ADAMTS16: variants seen among roughly 807,000 people sequenced by gnomAD.
ADAMTS16 encodes the protein A disintegrin and metalloproteinase with thrombospondin motifs 16.
A neutral mutation model predicts 145.8 loss-of-function variants in ADAMTS16; 94 were observed. The ratio of observed to expected loss-of-function variants is 0.64; its 90% CI spans 0.55 to 0.77. The LOEUF is 0.77. Ranked by LOEUF, ADAMTS16 falls within the 30% of genes least tolerant of loss-of-function variation. The probability of loss-of-function intolerance (pLI) is 0.00; values close to 1 mark genes in which losing one functional copy is unlikely to be tolerated. For missense variants in ADAMTS16, 1,585 were observed against 1,591.5 expected, an observed-to-expected ratio of 1.00 and a Z score of 0.07; for synonymous variants, 659 against 604.3, an observed-to-expected ratio of 1.09 and a Z score of -1.33.
intron 8 of ADAMTS16, among the ~76,000 whole-genome samples, chr5:5,197,069 G>C (rs965072141): frequency 2.0e-5 from 3 of 152,134 alleles, no homozygotes; most frequent in African/African-American, 7.2e-5. Context: ...TCAGGGCTCT[G>C]GGCAGCTCAG....
chr5:5,311,690 G>C (rs1414994222), intron 21 of ADAMTS16, among the ~76,000 whole-genome samples: 1 of 151,434 alleles, frequency 6.6e-6, no homozygotes, highest in Non-Finnish European at 1.5e-5. Context: ...GGGACTACAC[G>C]TGCACACCAC....
At chr5:5,286,857 CAAAAAAAA>C (rs1158555676) in intron 18 of ADAMTS16, among the ~76,000 whole-genome samples, 4 of 22,136 alleles carry the variant, frequency 1.8e-4, no homozygotes, top group Admixed American at 9.5e-4. Context: ...GACTCCGTCT[CAAAAAAAA>C]AAAAAAAAAA....
intron 3 of ADAMTS16, among the ~76,000 whole-genome samples, chr5:5,165,842 C>A (rs181075384): frequency 1.3e-5 from 2 of 152,272 alleles, no homozygotes; most frequent in East Asian, 3.9e-4. Context: ...CCCCTCATGA[C>A]CCATGGGCTC....
intron 3 of ADAMTS16, among the ~76,000 whole-genome samples, chr5:5,175,748 C>T (rs948508242): frequency 1.3e-5 from 2 of 152,154 alleles, no homozygotes; most frequent in African/African-American, 2.4e-5. Context: ...CTGTGGGTGT[C>T]GGCTGAGTTC....
chr5:5,294,533 G>A (rs545175146), intron 18 of ADAMTS16, among the ~76,000 whole-genome samples: 1 of 152,266 alleles, frequency 6.6e-6, no homozygotes, highest in South Asian at 2.1e-4. Flanking sequence ...CCCATTACAG[G>A]GGTCATCAAC....
intron 13 of ADAMTS16, 120 bp downstream of exon 13, chr5:5,235,306 G>A: frequency 9.2e-7 from 1 of 1,088,834 alleles, no homozygotes; most frequent in Non-Finnish European, 1.2e-6. Context: ...GGAGGTGAGG[G>A]TCGCATATTC....
In ADAMTS16 at chr5:5,186,301, G is replaced by GGGGGGTGT. The variant is rs368811446; in HGVS notation, c.963+51_963+52insGGGGTGTG. The GGGGGGTGT allele has an allele frequency of 8.3e-5, 82 of 987,466 alleles. No homozygotes were observed. The African/African-American group carries it at 1.4e-3, about 17-fold the overall frequency. The allele number at this position is 987,466 out of a possible 1,614,324, so 61.2% of individuals were successfully genotyped here. A position where few individuals can be genotyped will look rare whatever the true frequency, so the allele number is the denominator to read the frequency against. Reference sequence around the variant, plus strand: ...CCACCTGTGTCATTGCACTTCGTAGGGTGTGTGTGTGTGTGTGTGTGTGTG... The same window carrying GGGGGGTGT: ...CCACCTGTGTCATTGCACTTCGTAGGGGGGGTGTGTGTGTGTGTGTGTGTGTGTGTGTG... On this transcript the variant is annotated intron_variant, in intron 5 of 22. Transcript: ENST00000274181.
intron 18 of ADAMTS16, among the ~76,000 whole-genome samples, chr5:5,271,469 C>G (rs1043588044): frequency 6.6e-6 from 1 of 152,280 alleles, no homozygotes; most frequent in Admixed American, 6.5e-5. Flanking sequence ...AAGCAGCCTA[C>G]GGCCCTCCCG....
intron 3 of ADAMTS16, among the ~76,000 whole-genome samples, chr5:5,153,737 GA>G (rs901427975): frequency 3.9e-5 from 6 of 152,072 alleles, no homozygotes; most frequent in Admixed American, 6.5e-5. Context: ...ACTTGGATTA[GA>G]AAAAAATATA....
intron 21 of ADAMTS16, among the ~76,000 whole-genome samples, chr5:5,313,831 G>A (rs1202572260): frequency 4.6e-5 from 7 of 152,260 alleles, no homozygotes; most frequent in African/African-American, 1.7e-4. Flanking sequence ...CGATGAGGCT[G>A]GGTGAACGCT....
intron 7 of ADAMTS16, among the ~76,000 whole-genome samples, 175 bp from the exon 8 acceptor site, chr5:5,191,510 G>T (rs1348280083): frequency 6.6e-6 from 1 of 152,150 alleles, no homozygotes; most frequent in Non-Finnish European, 1.5e-5. Context: ...CTGGAAGGGA[G>T]TCCCTTCCCC....
chr5:5,241,433 C>G (rs1367770720), intron 16 of ADAMTS16, among the ~76,000 whole-genome samples: 1 of 152,198 alleles, frequency 6.6e-6, no homozygotes, highest in Non-Finnish European at 1.5e-5. Flanking sequence ...TTAATGGGTA[C>G]CTGCCCGTAG....
At chr5:5,307,397 G>A (rs776706508) in intron 21 of ADAMTS16, among the ~76,000 whole-genome samples, 11 of 152,194 alleles carry the variant, frequency 7.2e-5, no homozygotes, top group Non-Finnish European at 7.3e-5. Context: ...GGCTGGGAGA[G>A]TGAGCCTCTT....
intron 2 of ADAMTS16, among the ~76,000 whole-genome samples, chr5:5,145,191 G>A (rs577251349): frequency 6.6e-6 from 1 of 152,052 alleles, no homozygotes; most frequent in South Asian, 2.1e-4. Context: ...TCCCATTTAT[G>A]GAAAAAATAC....
chr5:5,165,548 G>A (rs1191649450), intron 3 of ADAMTS16, among the ~76,000 whole-genome samples: 5 of 152,170 alleles, frequency 3.3e-5, no homozygotes, highest in Non-Finnish European at 7.3e-5. Context: ...TTAATATTGT[G>A]TAACTTTCCT....
chr5:5,306,982 A>G (rs1740195395), intron 21 of ADAMTS16, among the ~76,000 whole-genome samples: 1 of 152,168 alleles, frequency 6.6e-6, no homozygotes, highest in South Asian at 2.1e-4. Context: ...CCAATTAAGT[A>G]TAAGGAAATG....
chr5:5,252,088 A>T (rs1737646162), intron 17 of ADAMTS16, among the ~76,000 whole-genome samples: 1 of 152,100 alleles, frequency 6.6e-6, no homozygotes, highest in Non-Finnish European at 1.5e-5. Flanking sequence ...TGACTTCGTG[A>T]TCCGCCCGCC....
intron 3 of ADAMTS16, among the ~76,000 whole-genome samples, chr5:5,162,520 G>A (rs1299547102): frequency 1.3e-5 from 2 of 152,168 alleles, no homozygotes; most frequent in Non-Finnish European, 2.9e-5. Context: ...GGGTATTGGA[G>A]GGAAAAGAGG....
intron 5 of ADAMTS16, among the ~76,000 whole-genome samples, chr5:5,187,498 C>T (rs1212590681): frequency 1.3e-5 from 2 of 152,222 alleles, no homozygotes; most frequent in Non-Finnish European, 2.9e-5. Flanking sequence ...CAACCCACAG[C>T]CTTGTGATCC....
Sources: allele counts gnomAD v4.1 joint callset (sites outside exome capture counted in the v4.1 genomes callset), GRCh38; gene constraint gnomAD v4.1.1; transcripts MANE v1.5; gene names NCBI Gene and HGNC (gene_info 2026-07-23, HGNC 2026-07-21).